The following CCDC200 variants were observed in gnomAD, a reference collection of about 807,000 sequenced individuals.
CCDC200 encodes the protein coiled-coil domain-containing protein 200.
At chr17:43,221,642 TG>T (rs2057534342) in intron 3 of CCDC200, 45 bp from the exon 4 acceptor site, 1 of 152,614 alleles carries the variant, frequency 6.6e-6, no homozygotes, top group Admixed American at 6.6e-5. Flanking sequence ...TAGCAGCTTC[TG>T]GTTTCAGAAC....
intron 3 of CCDC200, among the ~76,000 whole-genome samples, chr17:43,223,003 A>G (rs1204366684): frequency 6.6e-6 from 1 of 151,706 alleles, no homozygotes; most frequent in African/African-American, 2.4e-5. Flanking sequence ...TCTTGACCTC[A>G]TGATCTGCCT....
intron 1 of CCDC200, among the ~76,000 whole-genome samples, chr17:43,226,499 G>A (rs1474392645): frequency 6.6e-6 from 1 of 152,202 alleles, no homozygotes; most frequent in Non-Finnish European, 1.5e-5. Context: ...AGGCTCAAGT[G>A]ATTCTCCCAC....
intron 1 of CCDC200, chr17:43,226,345 AAAG>A (rs3051098): frequency 0.31 from 47,229 of 151,798 alleles, 7,732 homozygotes; most frequent in South Asian, 0.49. Context: ...TGTCTCAAAA[AAAG>A]AAGAAGAAGA....
Position 43,224,423 on chromosome 17 carries a change from G to A in CCDC200, c.232C>T (p.Gln78Ter), listed in dbSNP as rs1318481908. 1 of 154,804 alleles carries A rather than the reference G, an allele frequency of 6.5e-6. No homozygotes were observed. Among genetic ancestry groups the A allele is most frequent in the Non-Finnish European group, 1.5e-5 (1 of 68,522 alleles). The allele number at this position is 154,804 out of a possible 1,614,324, so 9.6% of individuals were successfully genotyped here. ...GGTGGCTGCACTGATGGCTGCTGCT[G>A]TGATGGCTGTGGTTGCTCCTGTGAT... Reference protein sequence around the residue: ...WTSQEQPQPSQQQPSVQPPSQ... With the variant: ...WTSQEQPQPS The change falls in exon 2 of 4, where the codon CAG (glutamine) becomes TAG (stop). Residue 78 changes from glutamine (Q) to a stop codon, truncating the protein, a stop_gained. Transcript: ENST00000636331. LOFTEE classifies it high-confidence loss of function.
chr17:43,222,488 C>T (rs1006456778), intron 3 of CCDC200, among the ~76,000 whole-genome samples: 2 of 152,068 alleles, frequency 1.3e-5, no homozygotes, highest in Non-Finnish European at 2.9e-5. Flanking sequence ...TTAATAATTG[C>T]CATATTCAGT....
chr17:43,221,880 G>A (rs1353533923), intron 3 of CCDC200, among the ~76,000 whole-genome samples: 2 of 151,886 alleles, frequency 1.3e-5, no homozygotes, highest in African/African-American at 4.8e-5. Context: ...AGGCCAAGAC[G>A]GGTAGATCTT....
intron 3 of CCDC200, among the ~76,000 whole-genome samples, chr17:43,222,739 C>T (rs1254241451): frequency 4.0e-5 from 6 of 151,166 alleles, no homozygotes; most frequent in Admixed American, 3.3e-4. Flanking sequence ...CAGGTATGTG[C>T]CACCATGCCC....
upstream of CCDC200, among the ~76,000 whole-genome samples, chr17:43,231,158 A>C (rs2057594254): frequency 9.8e-6 from 1 of 101,904 alleles, no homozygotes; most frequent in South Asian, 3.0e-4. Context: ...GATGCCACAG[A>C]GAAAAGACTT....
intron 2 of CCDC200, 150 bp downstream of exon 2, chr17:43,224,084 G>A (rs2057551635): frequency 6.6e-6 from 1 of 152,664 alleles, no homozygotes; most frequent in Admixed American, 6.5e-5. Flanking sequence ...ACAGGGCCGG[G>A]ATGGAAGCAA....
At chr17:43,222,245 A>AACCTCC (rs1001345434) in intron 3 of CCDC200, among the ~76,000 whole-genome samples, 1 of 151,934 alleles carries the variant, frequency 6.6e-6, no homozygotes, top group African/African-American at 2.4e-5. Context: ...GGCTCACTGC[A>AACCTCC]ACCTCCACCT....
intron 1 of CCDC200, among the ~76,000 whole-genome samples, chr17:43,228,108 C>CAAAAA (rs4027812): frequency 6.3e-3 from 126 of 20,086 alleles, no homozygotes; most frequent in Middle Eastern, 0.031. Context: ...AACTCCATCT[C>CAAAAA]AAAAAAAAAA....
At chr17:43,225,680 GTATA>G (rs1176223204) in intron 1 of CCDC200, among the ~76,000 whole-genome samples, 1 of 16,612 alleles carries the variant, frequency 6.0e-5, no homozygotes, top group Non-Finnish European at 6.8e-4. Flanking sequence ...AAAAAAAAAA[GTATA>G]TATATATATT....
At chr17:43,224,017 G>T (rs1050733745) in intron 2 of CCDC200, 1 of 152,304 alleles carries the variant, frequency 6.6e-6, no homozygotes, top group Non-Finnish European at 1.5e-5. Context: ...GGCATTAAAG[G>T]CCGAGGGTAC....
intron 3 of CCDC200, among the ~76,000 whole-genome samples, chr17:43,222,773 GTTTT>G (rs542275017): frequency 7.9e-6 from 1 of 127,328 alleles, no homozygotes. Flanking sequence ...TTTTTTTTTC[GTTTT>G]TTTTTTTTTT....
chr17:43,226,520 C>T (rs1054214231), intron 1 of CCDC200, among the ~76,000 whole-genome samples: 1 of 152,076 alleles, frequency 6.6e-6, no homozygotes, highest in East Asian at 1.9e-4. Flanking sequence ...TGCAGCCTCC[C>T]GAGTAGCTGG....
chr17:43,224,117 C>T (rs573941232), intron 2 of CCDC200, 117 bp downstream of exon 2: 1 of 152,828 alleles, frequency 6.5e-6, no homozygotes, highest in Non-Finnish European at 1.5e-5. Context: ...CTTACCACCT[C>T]CCACTCCCAG....
chr17:43,222,794 G>A (rs1361934738), intron 3 of CCDC200, among the ~76,000 whole-genome samples: 9 of 132,812 alleles, frequency 6.8e-5, no homozygotes, highest in African/African-American at 2.0e-4. Context: ...TTTTTTAAAC[G>A]AAGTCTCGCT....
chr17:43,222,975 GC>G (rs2057543356), intron 3 of CCDC200, among the ~76,000 whole-genome samples: 1 of 151,824 alleles, frequency 6.6e-6, no homozygotes, highest in Non-Finnish European at 1.5e-5. Flanking sequence ...CGCCATGTTG[GC>G]CAGGATGGTC....
intron 3 of CCDC200, 97 bp downstream of exon 3, chr17:43,223,459 T>TACACACCCACACACACACACACAC (rs2057547017): frequency 7.3e-6 from 1 of 136,314 alleles, no homozygotes; most frequent in Non-Finnish European, 1.6e-5. Flanking sequence ...TTCTCTGGAC[T>TACACACCCACACACACACACACAC]ACACACACAC....
Sources: gnomAD v4.1 joint callset for allele counts (sites outside exome capture counted in the v4.1 genomes callset) on GRCh38, gnomAD v4.1.1 for gene constraint, MANE v1.5 for transcripts, NCBI Gene and HGNC (gene_info 2026-07-23, HGNC 2026-07-21) for gene names.